The following SSH2 variants were observed in gnomAD, a reference collection of about 807,000 sequenced individuals.
SSH2 encodes protein phosphatase Slingshot homolog 2.
Under a neutral mutation model 135.2 loss-of-function variants are expected in SSH2, and 37 were observed. That is an observed-to-expected ratio of 0.27 (90% confidence interval 0.21 to 0.36). The LOEUF is 0.36. Ranked by LOEUF, SSH2 falls within the 10% of genes least tolerant of loss-of-function variation. The probability of loss-of-function intolerance (pLI) is 1.00; values close to 1 mark genes in which losing one functional copy is unlikely to be tolerated. For synonymous variants in SSH2, 628 were observed against 646.2 expected (o/e 0.97, Z 0.43); for missense variants, 1,408 against 1,765.3 (o/e 0.80, Z 3.63).
intron 3 of SSH2, among the ~76,000 whole-genome samples, chr17:29,706,733 G>A (rs2039214973): frequency 6.6e-6 from 1 of 152,234 alleles, no homozygotes; most frequent in African/African-American, 2.4e-5. Context: ...GTGGGTTCCA[G>A]TAAACAAAGC....
At chr17:29,847,227 C>T (rs906997626) in intron 2 of SSH2, among the ~76,000 whole-genome samples, 3 of 152,160 alleles carry the variant, frequency 2.0e-5, no homozygotes, top group Non-Finnish European at 4.4e-5. Flanking sequence ...AGTCTTTCCT[C>T]ACAGTGCCAT....
At chr17:29,833,637 G>GT (rs893761224) in intron 2 of SSH2, among the ~76,000 whole-genome samples, 5 of 144,202 alleles carry the variant, frequency 3.5e-5, no homozygotes, top group South Asian at 4.4e-4. Context: ...TTTGTTTTCT[G>GT]TTTTTTTTTC....
chr17:29,760,973 C>A, intron 3 of SSH2: 4 of 492,688 alleles, frequency 8.1e-6, no homozygotes, highest in Non-Finnish European at 1.3e-5. Context: ...CTCCATGAAT[C>A]CCCCCACCGT....
At chr17:29,757,979 G>A (rs2041184083) in intron 3 of SSH2, among the ~76,000 whole-genome samples, 1 of 152,000 alleles carries the variant, frequency 6.6e-6, no homozygotes, top group African/African-American at 2.4e-5. Flanking sequence ...CCAGGAGATC[G>A]AGACTGCAAG....
intron 2 of SSH2, among the ~76,000 whole-genome samples, chr17:29,847,821 T>C (rs1405597788): frequency 1.8e-4 from 28 of 152,330 alleles, no homozygotes. Context: ...ACAAATGCCA[T>C]GGCAATGACC....
At chr17:29,703,586 T>C (rs1363238664) in intron 3 of SSH2, among the ~76,000 whole-genome samples, 2 of 151,006 alleles carry the variant, frequency 1.3e-5, no homozygotes, top group African/African-American at 2.4e-5. Flanking sequence ...ACAATATTCT[T>C]TTTTTTTGAG....
At chr17:29,649,450 A>G (rs546561399) in intron 13 of SSH2, among the ~76,000 whole-genome samples, 18 of 151,844 alleles carry the variant, frequency 1.2e-4, no homozygotes, top group Non-Finnish European at 2.1e-4. Context: ...TGGTGCGACC[A>G]CAGCTCACTG....
chr17:29,642,641 T>C (rs2036211536), intron 14 of SSH2, among the ~76,000 whole-genome samples: 1 of 150,100 alleles, frequency 6.7e-6, no homozygotes, highest in South Asian at 2.1e-4. Context: ...CAGATATAAA[T>C]GCTATAAGTA....
intron 3 of SSH2, among the ~76,000 whole-genome samples, chr17:29,711,841 C>G (rs913516734): frequency 6.6e-6 from 1 of 152,160 alleles, no homozygotes; most frequent in Non-Finnish European, 1.5e-5. Flanking sequence ...ACACTCTGCT[C>G]CTGCTCCCTG....
At chr17:29,861,691 G>C (rs962656452) in intron 1 of SSH2, among the ~76,000 whole-genome samples, 1 of 151,954 alleles carries the variant, frequency 6.6e-6, no homozygotes, top group African/African-American at 2.4e-5. Context: ...AGCCTCCCAA[G>C]TAGCTGGGAC....
chr17:29,830,493 T>C (rs188526143), intron 2 of SSH2, among the ~76,000 whole-genome samples: 7 of 152,306 alleles, frequency 4.6e-5, no homozygotes, highest in African/African-American at 9.6e-5. Flanking sequence ...ATTTGCAGAA[T>C]TGATCATAAT....
At chr17:29,696,974 G>A (rs2151109453) in intron 4 of SSH2, among the ~76,000 whole-genome samples, 1 of 152,190 alleles carries the variant, frequency 6.6e-6, no homozygotes, top group African/African-American at 2.4e-5. Context: ...GTGAGCCACA[G>A]TGCCTGGCCA....
rs577100881 is a variant in SSH2, at chr17:29,786,116, A to G, written c.188+7778T>C. On this transcript the variant is annotated intron_variant, in intron 3 of 15. Coordinates refer to ENST00000540801, the MANE Select transcript of SSH2 (RefSeq NM_001282129.2). ...GCCGCGCCCGGCCCTGTTTACTTCTATAGTTATTTTCCTGGCTATTCCCCG... is the reference window on the plus strand; with the variant it reads ...GCCGCGCCCGGCCCTGTTTACTTCTGTAGTTATTTTCCTGGCTATTCCCCG... 3.3e-5 allele frequency among the ~76,000 whole-genome samples: 5 copies of G among 152,230 alleles called. No homozygotes were observed. In the East Asian group the frequency reaches 5.8e-4, roughly 18 times the overall value.
At chr17:29,917,856 AAAAT>A (rs1184257310) in intron 1 of SSH2, among the ~76,000 whole-genome samples, 1 of 152,006 alleles carries the variant, frequency 6.6e-6, no homozygotes, top group Non-Finnish European at 1.5e-5. Context: ...TTCCATCTCA[AAAAT>A]AAATAAATAA....
chr17:29,874,882 T>G (rs1409212946), intron 1 of SSH2, among the ~76,000 whole-genome samples: 1 of 152,172 alleles, frequency 6.6e-6, no homozygotes, highest in African/African-American at 2.4e-5. Flanking sequence ...GCTGCAGATT[T>G]TCAAAAGATT....
chr17:29,921,696 T>G (rs1451072084), intron 1 of SSH2, among the ~76,000 whole-genome samples: 1 of 151,896 alleles, frequency 6.6e-6, no homozygotes, highest in Non-Finnish European at 1.5e-5. Flanking sequence ...CCTGCCTCAG[T>G]AGGAGTAGCT....
intron 2 of SSH2, among the ~76,000 whole-genome samples, chr17:29,803,219 A>G (rs2151316293): frequency 6.6e-6 from 1 of 152,340 alleles, no homozygotes; most frequent in East Asian, 1.9e-4. Flanking sequence ...ATGGGTCAGA[A>G]ATTCAAGCAG....
chr17:29,841,970 GC>G (rs2043048771), intron 2 of SSH2, among the ~76,000 whole-genome samples: 1 of 135,886 alleles, frequency 7.4e-6, no homozygotes, highest in Non-Finnish European at 1.5e-5. Flanking sequence ...CTGAGCTTAA[GC>G]GATCCTCCCG....
chr17:29,673,550 AC>A (rs1252838998), intron 8 of SSH2, among the ~76,000 whole-genome samples: 1 of 151,820 alleles, frequency 6.6e-6, no homozygotes, highest in Non-Finnish European at 1.5e-5. Flanking sequence ...AGCCTGGGTG[AC>A]AGAGTGAGAC....
Sources: gnomAD v4.1 joint callset for allele counts (sites outside exome capture counted in the v4.1 genomes callset) on GRCh38, gnomAD v4.1.1 for gene constraint, MANE v1.5 for transcripts, NCBI Gene and HGNC (gene_info 2026-07-23, HGNC 2026-07-21) for gene names.